The following RPGRIP1L variants were observed in gnomAD, a reference collection of about 807,000 sequenced individuals.
RPGRIP1L encodes the protein protein fantom.
A neutral mutation model predicts 160.4 loss-of-function variants in RPGRIP1L; 131 were observed. The ratio of observed to expected loss-of-function variants is 0.82; its 90% CI spans 0.71 to 0.94. The LOEUF (loss-of-function observed/expected upper bound fraction) is 0.94. Among genes scored for constraint, RPGRIP1L ranks in the 40% least tolerant of loss-of-function variants. The pLI is 0.00. For synonymous variants in RPGRIP1L, 510 were observed against 515.8 expected, an observed-to-expected ratio of 0.99 and a Z score of 0.15; for missense variants, 1,522 against 1,535.8, an observed-to-expected ratio of 0.99 and a Z score of 0.15.
intron 24 of RPGRIP1L, among the ~76,000 whole-genome samples, chr16:53,617,445 G>A (rs1964454739): frequency 6.6e-6 from 1 of 152,108 alleles, no homozygotes; most frequent in African/African-American, 2.4e-5. Context: ...CTGGTACTCT[G>A]CAACTGATGA....
intron 26 of RPGRIP1L, among the ~76,000 whole-genome samples, chr16:53,605,195 C>A (rs951690803): frequency 6.6e-6 from 1 of 151,708 alleles, no homozygotes; most frequent in African/African-American, 2.4e-5. Context: ...AATCCAATGG[C>A]CAACTTTTTT....
intron 14 of RPGRIP1L, among the ~76,000 whole-genome samples, chr16:53,655,345 AT>A (rs914560078): frequency 2.0e-5 from 3 of 152,086 alleles, no homozygotes; most frequent in South Asian, 4.1e-4. Context: ...ATATTTAAAC[AT>A]TTTTTTCACT....
intron 3 of RPGRIP1L, chr16:53,693,749 A>T (rs1300695741): frequency 2.6e-5 from 4 of 152,088 alleles, no homozygotes; most frequent in African/African-American, 9.7e-5. Flanking sequence ...AGGGCCACAC[A>T]CTCTACCTGG....
At chr16:53,679,317 T>C (rs1969434928) in intron 6 of RPGRIP1L, among the ~76,000 whole-genome samples, 2 of 152,300 alleles carry the variant, frequency 1.3e-5, no homozygotes, top group South Asian at 4.1e-4. Context: ...AAATCCTGGC[T>C]CATCTTCTTA....
chr16:53,603,343 CT>C (rs1436822347), intron 26 of RPGRIP1L, among the ~76,000 whole-genome samples: 1 of 151,982 alleles, frequency 6.6e-6, no homozygotes, highest in Non-Finnish European at 1.5e-5. Flanking sequence ...CTGTTTTTTT[CT>C]TTTAGACAGT....
At chr16:53,623,435 C>G (rs1964871927) in intron 22 of RPGRIP1L, among the ~76,000 whole-genome samples, 1 of 152,194 alleles carries the variant, frequency 6.6e-6, no homozygotes, top group South Asian at 2.1e-4. Flanking sequence ...CAACCATTCT[C>G]CTTATTGTAG....
chr16:53,637,139 G>A (rs1439388868), intron 21 of RPGRIP1L, among the ~76,000 whole-genome samples: 1 of 152,022 alleles, frequency 6.6e-6, no homozygotes, highest in African/African-American at 2.4e-5. Context: ...TGGGACCACA[G>A]ATGTGCAACA....
intron 22 of RPGRIP1L, among the ~76,000 whole-genome samples, chr16:53,635,862 T>C (rs192595772): frequency 6.6e-6 from 1 of 152,282 alleles, no homozygotes; most frequent in African/African-American, 2.4e-5. Context: ...ACTTCCCATA[T>C]ATATTTTAAA....
chr16:53,608,050 G>A, intron 25 of RPGRIP1L: 2 of 768,318 alleles, frequency 2.6e-6, no homozygotes, highest in Non-Finnish European at 3.2e-6. Context: ...AGAACAGGAA[G>A]TGCTACCTGA....
intron 17 of RPGRIP1L, among the ~76,000 whole-genome samples, chr16:53,644,525 T>C (rs1405713259): frequency 6.6e-6 from 1 of 152,154 alleles, no homozygotes. Context: ...AGGATCCACA[T>C]TTAGACACAT....
chr16:53,703,524 A>G (rs1971684073), intron 1 of RPGRIP1L: 1 of 163,010 alleles, frequency 6.1e-6, no homozygotes, highest in African/African-American at 2.4e-5. Flanking sequence ...GGATCTGGAT[A>G]GAGATGGCAA....
intron 19 of RPGRIP1L, among the ~76,000 whole-genome samples, chr16:53,639,667 G>A (rs958543982): frequency 2.1e-4 from 32 of 152,108 alleles, no homozygotes; most frequent in African/African-American, 7.7e-4. Context: ...CCATGAACAA[G>A]TTACTTAACC....
At position 53,656,475 on chromosome 16, in the gene RPGRIP1L, C is replaced by G; in HGVS notation, c.1696G>C (p.Glu566Gln). 1.3e-6 allele frequency: 2 copies of G among 1,599,044 alleles called. No individual in the cohort carries two copies. Among genetic ancestry groups the G allele is most frequent in the Non-Finnish European group, 1.7e-6 (2 of 1,166,254 alleles). ...CAAAAAATCGTATATGTTGTACCTT[C>G]TAGTTTATGGATACGTGCAGCCCTG... ...DIRAARIHKLEAQLKDIAYGT... is the reference protein window; with the variant it reads ...DIRAARIHKLQAQLKDIAYGT... Residue 566 changes from glutamate to glutamine, a missense_variant, in exon 14 of 27, where the codon GAA (glutamate) becomes CAA (glutamine). Glu to Gln is a conservative substitution (Grantham distance 29). Transcript: ENST00000647211.
In RPGRIP1L at chr16:53,606,675, G is replaced by A. The variant is rs953355867; in HGVS notation, c.3702-1061C>T. The stretch of plus-strand genomic sequence containing the variant: ...GTCACCCAGGCTGGAGTGAAGTGGC[G>A]CAATCTTGGCTCACTGCAACCTCTG... On this transcript the variant is annotated intron_variant, in intron 25 of 26. Transcript: ENST00000647211. Among the ~76,000 whole-genome samples the A allele has an allele frequency of 9.2e-5, 14 of 152,156 alleles. No individual in the cohort carries two copies. The East Asian group carries it at 1.5e-3, about 17-fold the overall frequency.
intron 24 of RPGRIP1L, among the ~76,000 whole-genome samples, chr16:53,616,301 A>G (rs1964375765): frequency 6.6e-6 from 1 of 152,214 alleles, no homozygotes; most frequent in African/African-American, 2.4e-5. Flanking sequence ...TATACAAGAG[A>G]TAGTTACTTA....
chr16:53,604,116 C>T (rs1963530336), intron 26 of RPGRIP1L, among the ~76,000 whole-genome samples: 1 of 152,130 alleles, frequency 6.6e-6, no homozygotes, highest in African/African-American at 2.4e-5. Flanking sequence ...TATTTCAATC[C>T]TCTCATCTTT....
At chr16:53,697,730 C>T (rs1970905066) in intron 2 of RPGRIP1L, among the ~76,000 whole-genome samples, 2 of 152,164 alleles carry the variant, frequency 1.3e-5, no homozygotes, top group East Asian at 1.9e-4. Flanking sequence ...ACCTCCCAGC[C>T]GCCTGCCTTG....
At chr16:53,655,534 G>A (rs1261129314) in intron 14 of RPGRIP1L, 1 of 152,106 alleles carries the variant, frequency 6.6e-6, no homozygotes, top group South Asian at 2.1e-4. Flanking sequence ...TTACATTTTG[G>A]TTATGGAGAA....
chr16:53,643,014 T>C lies in RPGRIP1L; in HGVS notation c.2684-1539A>G, dbSNP rs573752969. On this transcript the variant is annotated intron_variant, in intron 17 of 26. Coordinates refer to ENST00000647211, the MANE Select transcript of RPGRIP1L (RefSeq NM_015272.5). ...AGGAATAAGATATCAGAAGTGGGCGTTGGCTGGGTGCGGTGGCTTACCCCT... is the reference window on the plus strand; with the variant it reads ...AGGAATAAGATATCAGAAGTGGGCGCTGGCTGGGTGCGGTGGCTTACCCCT... 1.7e-3 allele frequency among the ~76,000 whole-genome samples: 257 copies of C among 152,194 alleles called. 2 individuals are homozygous for C. The highest frequency in any genetic ancestry group is 5.5e-3 in the African/African-American group (227 of 41,544).
Sources: allele counts gnomAD v4.1 joint callset (sites outside exome capture counted in the v4.1 genomes callset), GRCh38; gene constraint gnomAD v4.1.1; transcripts MANE v1.5; gene names NCBI Gene and HGNC (gene_info 2026-07-23, HGNC 2026-07-21).